Variants in HAAO observed in about 807,000 individuals in gnomAD.
The protein encoded by HAAO is 3-hydroxyanthranilate oxygenase.
In HAAO, 49 loss-of-function variants were observed where a neutral mutation model predicts 46.2. That is an observed-to-expected ratio of 1.06 (90% CI 0.84 to 1.34). The LOEUF (loss-of-function observed/expected upper bound fraction) is 1.34. Among genes scored for constraint, HAAO ranks in the 40% most tolerant of loss-of-function variants. The pLI is 0.00. For synonymous variants in HAAO, 157 were observed against 145.2 expected (o/e 1.08, Z -0.58); for missense variants, 408 against 364.5 (o/e 1.12, Z -0.97).
chr2:42,787,372 G>C (rs1672466386), intron 2 of HAAO, among the ~76,000 whole-genome samples: 1 of 152,174 alleles, frequency 6.6e-6, no homozygotes. Context: ...AGACTCCGCA[G>C]CCAGCTGTGC....
At chr2:42,769,569 ATGTGTGTGTGTG>A (rs35746707) in intron 7 of HAAO, 132 bp downstream of exon 7, 78,767 of 577,194 alleles carry the variant, frequency 0.14, 2,516 homozygotes, top group South Asian at 0.16. Flanking sequence ...AACCTCTGAA[ATGTGTGTGTGTG>A]TGTGTGTGTG....
chr2:42,771,768 G>T (rs1300433062), intron 4 of HAAO, among the ~76,000 whole-genome samples: 2 of 152,230 alleles, frequency 1.3e-5, no homozygotes, highest in Non-Finnish European at 2.9e-5. Flanking sequence ...CCCAGCTCCT[G>T]GGCCCAGGCC....
chr2:42,781,091 C>A (rs1438645040), intron 4 of HAAO, among the ~76,000 whole-genome samples: 2 of 151,920 alleles, frequency 1.3e-5, no homozygotes, highest in East Asian at 3.9e-4. Context: ...AAAAACACAA[C>A]AATTTAGTAT....
intron 7 of HAAO, among the ~76,000 whole-genome samples, chr2:42,769,492 T>G (rs1670914705): frequency 6.6e-6 from 1 of 152,140 alleles, no homozygotes; most frequent in Non-Finnish European, 1.5e-5. Flanking sequence ...TCCACAGACT[T>G]CACTCGGAGC....
intron 1 of HAAO, among the ~76,000 whole-genome samples, chr2:42,790,731 C>T (rs1292839858): frequency 6.6e-6 from 1 of 152,082 alleles, no homozygotes; most frequent in Non-Finnish European, 1.5e-5. Flanking sequence ...GGGGTTTCAC[C>T]ATGTTGGCCA....
At chr2:42,777,057 T>C (rs1404877458) in intron 4 of HAAO, among the ~76,000 whole-genome samples, 4 of 151,682 alleles carry the variant, frequency 2.6e-5, no homozygotes, top group African/African-American at 9.7e-5. Context: ...ATCCCAGCAC[T>C]TTGGGAGGCC....
chr2:42,783,715 T>G (rs1376948624), intron 3 of HAAO, 69 bp downstream of exon 3: 3 of 1,340,088 alleles, frequency 2.2e-6, no homozygotes, highest in Non-Finnish European at 3.2e-6. Context: ...AGGGCCAGGA[T>G]GAGTGGACAG....
At chr2:42,777,551 G>C (rs959670423) in intron 4 of HAAO, among the ~76,000 whole-genome samples, 10 of 152,108 alleles carry the variant, frequency 6.6e-5, no homozygotes, top group African/African-American at 2.4e-4. Flanking sequence ...TTAGAAGCAA[G>C]ATGGAATCAG....
chr2:42,780,605 G>A (rs1414678003), intron 4 of HAAO, among the ~76,000 whole-genome samples: 2 of 152,058 alleles, frequency 1.3e-5, no homozygotes, highest in African/African-American at 4.8e-5. Context: ...GAGCTGAAAT[G>A]TTCATGAGTA....
Position 42,769,818 on chromosome 2 carries a change from T to C in HAAO, c.525A>G (p.Arg175=). The change falls in exon 7 of 10, where the codon CGA becomes CGG. Residue 175 remains arginine, a synonymous_variant. Coordinates refer to ENST00000294973, the MANE Select transcript of HAAO (RefSeq NM_012205.3). ...LKEPPFPLST[R]SIMEPMSLDA... Reference sequence around the variant, plus strand: ...CCAGGGACATGGGCTCCATGATGGATCGTGTGCTCAGAGGGAATGGTGGCT... The same window carrying C: ...CCAGGGACATGGGCTCCATGATGGACCGTGTGCTCAGAGGGAATGGTGGCT... 6.2e-7 allele frequency: 1 copy of C among 1,613,742 alleles called. No individual in the cohort carries two copies. The highest frequency in any genetic ancestry group is 2.2e-5 in the East Asian group (1 of 44,870).
At chr2:42,772,309 C>T (rs1047131438) in intron 4 of HAAO, among the ~76,000 whole-genome samples, 10 of 151,958 alleles carry the variant, frequency 6.6e-5, no homozygotes, top group African/African-American at 1.7e-4. Context: ...GGTGAAACCT[C>T]GTCTCTACTA....
At chr2:42,781,367 A>G (rs897629790) in intron 4 of HAAO, among the ~76,000 whole-genome samples, 18 of 152,162 alleles carry the variant, frequency 1.2e-4, no homozygotes, top group African/African-American at 4.3e-4. Context: ...TCTTCCCTGT[A>G]TAGGGTTTCT....
chr2:42,784,613 G>T (rs1471672669), intron 2 of HAAO, among the ~76,000 whole-genome samples: 1 of 152,110 alleles, frequency 6.6e-6, no homozygotes, highest in African/African-American at 2.4e-5. Flanking sequence ...CCATGGAACT[G>T]GGAGGAAGAG....
At position 42,788,563 on chromosome 2, in the gene HAAO, G is replaced by C. The variant is rs1048768411; in HGVS notation, c.125C>G (p.Thr42Ser). The C allele has an allele frequency of 7.5e-6, 12 of 1,607,734 alleles. No individual in the cohort carries two copies. Among genetic ancestry groups the C allele is most frequent in the Middle Eastern group, 1.6e-4 (1 of 6,066 alleles). ...CTCTTCGATGTGATAGTCCTTCCTGGTGTTGGGGCCTCCGATGAACATGAC... is the reference window on the plus strand; with the variant it reads ...CTCTTCGATGTGATAGTCCTTCCTGCTGTTGGGGCCTCCGATGAACATGAC... The part of the protein sequence containing the change: ...LKVMFIGGPN[T>S]RKDYHIEEGE... Residue 42 changes from threonine (T) to serine (S), a missense_variant, in exon 2 of 10, where the codon ACC (threonine) becomes AGC (serine). Coordinates refer to ENST00000294973, the MANE Select transcript of HAAO (RefSeq NM_012205.3).
rs10606385 is a variant in HAAO at position 42,786,009 on chromosome 2, C to CTGTGTGTG, written c.160-2150_160-2143dup. On this transcript the variant is annotated intron_variant, in intron 2 of 9. Coordinates refer to ENST00000294973, the MANE Select transcript of HAAO (RefSeq NM_012205.3). Reference sequence around the variant, plus strand: ...CACTCTCCAAGCTGGGAGGAAGCCTCTGTGTGTGTGTGTGTGTGTGTGTGT... The same window carrying CTGTGTGTG: ...CACTCTCCAAGCTGGGAGGAAGCCTCTGTGTGTGTGTGTGTGTGTGTGTGTGTGTGTGT... Among the ~76,000 whole-genome samples the CTGTGTGTG allele has an allele frequency of 4.2e-3, 442 of 106,132 alleles. 11 individuals are homozygous for CTGTGTGTG. Among genetic ancestry groups the CTGTGTGTG allele is most frequent in the East Asian group, 7.2e-3 (25 of 3,464 alleles). The allele number at this position is 106,132 out of a possible 152,430, so 69.6% of individuals were successfully genotyped here.
At chr2:42,767,727 C>G in intron 8 of HAAO, 50 bp from the exon 9 acceptor site, 1 of 1,552,062 alleles carries the variant, frequency 6.4e-7, no homozygotes. Context: ...GGCCTCATCA[C>G]CTGGGTGAAT....
intron 4 of HAAO, among the ~76,000 whole-genome samples, chr2:42,771,517 C>G (rs374454212): frequency 4.7e-4 from 72 of 151,884 alleles, no homozygotes; most frequent in African/African-American, 1.7e-3. Context: ...CTTTCAGGGT[C>G]ATGATTGCCT....
intron 4 of HAAO, among the ~76,000 whole-genome samples, chr2:42,772,707 A>G (rs2104643342): frequency 6.6e-6 from 1 of 152,162 alleles, no homozygotes; most frequent in Admixed American, 6.5e-5. Flanking sequence ...TTCACTTTGC[A>G]TTCCTGTACT....
chr2:42,777,471 G>A (rs941257844), intron 4 of HAAO, among the ~76,000 whole-genome samples: 1 of 152,042 alleles, frequency 6.6e-6, no homozygotes, highest in Non-Finnish European at 1.5e-5. Flanking sequence ...AATATAAAAA[G>A]GGGCTCTAAT....
Sources: allele counts gnomAD v4.1 joint callset (sites outside exome capture counted in the v4.1 genomes callset), GRCh38; gene constraint gnomAD v4.1.1; transcripts MANE v1.5; gene names NCBI Gene and HGNC (gene_info 2026-07-23, HGNC 2026-07-21).